Variants in RALYL observed in about 807,000 individuals in gnomAD.
RALYL encodes the protein RNA-binding Raly-like protein.
A neutral mutation model predicts 35.1 loss-of-function variants in RALYL; 29 were observed. That is an observed-to-expected ratio of 0.83 (90% CI 0.61 to 1.13). The LOEUF is 1.13. Among genes scored for constraint, RALYL ranks in the 50% most tolerant of loss-of-function variants. The pLI is 0.00. For synonymous variants in RALYL, 120 were observed against 127.6 expected (o/e 0.94, Z 0.40); for missense variants, 359 against 360.4 (o/e 1.00, Z 0.03).
At chr8:84,449,898 G>A (rs943196579) in intron 1 of RALYL, among the ~76,000 whole-genome samples, 1 of 151,618 alleles carries the variant, frequency 6.6e-6, no homozygotes, top group Admixed American at 6.6e-5. Context: ...CACATTTTTT[G>A]CAAATATTTA....
intron 2 of RALYL, among the ~76,000 whole-genome samples, chr8:84,722,220 G>A (rs1350492862): frequency 6.6e-6 from 1 of 151,868 alleles, no homozygotes; most frequent in Non-Finnish European, 1.5e-5. Context: ...TCTTTTCTGA[G>A]TATAATTGAG....
At chr8:84,690,836 C>G (rs1017596314) in intron 2 of RALYL, among the ~76,000 whole-genome samples, 2 of 151,904 alleles carry the variant, frequency 1.3e-5, no homozygotes, top group Non-Finnish European at 2.9e-5. Flanking sequence ...AATTCTAAAG[C>G]TGGATTATGA....
chr8:84,477,329 C>CTG (rs1396902450), intron 1 of RALYL, among the ~76,000 whole-genome samples: 1 of 150,910 alleles, frequency 6.6e-6, no homozygotes, highest in East Asian at 2.0e-4. Flanking sequence ...ATCATAAGCA[C>CTG]TGTGTGTGTG....
intron 7 of RALYL, among the ~76,000 whole-genome samples, chr8:84,878,642 A>C (rs1841640187): frequency 6.6e-6 from 1 of 152,116 alleles, no homozygotes; most frequent in Non-Finnish European, 1.5e-5. Flanking sequence ...AGAAATGAGA[A>C]GATACTGTAA....
At chr8:84,590,674 T>A (rs1018214947) in intron 2 of RALYL, among the ~76,000 whole-genome samples, 9 of 152,328 alleles carry the variant, frequency 5.9e-5, no homozygotes, top group African/African-American at 2.2e-4. Flanking sequence ...ACCAGAGCTA[T>A]CAAATAATGG....
At chr8:84,735,811 CGAGAGAGAGAGAGAGAGAGA>C (rs59842702) in intron 2 of RALYL, among the ~76,000 whole-genome samples, 1 of 111,310 alleles carries the variant, frequency 9.0e-6, no homozygotes, top group African/African-American at 3.1e-5. Flanking sequence ...ATCCAAACCG[CGAGAGAGAGAGAGAGAGAGA>C]GAGAGAGAGA....
chr8:84,865,966 C>T (rs1839103676), intron 6 of RALYL, among the ~76,000 whole-genome samples: 2 of 152,122 alleles, frequency 1.3e-5, no homozygotes, highest in Admixed American at 6.5e-5. Flanking sequence ...GGTTCCTCCC[C>T]TCAAAAGTAT....
intron 5 of RALYL, among the ~76,000 whole-genome samples, chr8:84,861,235 T>G (rs1364041916): frequency 6.6e-6 from 1 of 152,180 alleles, no homozygotes; most frequent in Non-Finnish European, 1.5e-5. Flanking sequence ...TTCTTTATAG[T>G]GAATAACGTA....
intron 1 of RALYL, among the ~76,000 whole-genome samples, chr8:84,336,196 A>G (rs28452674): frequency 1.5e-3 from 225 of 152,224 alleles, no homozygotes; most frequent in Non-Finnish European, 2.7e-3. Flanking sequence ...TTTCTGAGCA[A>G]CTGATTTTTT....
intron 1 of RALYL, among the ~76,000 whole-genome samples, chr8:84,264,489 G>A (rs964554110): frequency 2.1e-4 from 23 of 110,752 alleles, no homozygotes; most frequent in Non-Finnish European, 2.7e-4. Context: ...TGAGTTCCTT[G>A]TAGATTCTGG....
chr8:84,864,199 GTT>G (rs1278884938), intron 6 of RALYL, among the ~76,000 whole-genome samples: 2 of 119,900 alleles, frequency 1.7e-5, no homozygotes, highest in Admixed American at 8.9e-5. Flanking sequence ...TTGTGTGTGT[GTT>G]TGTGTGTGTG....
chr8:84,550,273 A>G (rs1021885379), intron 2 of RALYL, among the ~76,000 whole-genome samples: 5 of 151,750 alleles, frequency 3.3e-5, no homozygotes, highest in African/African-American at 1.2e-4. Flanking sequence ...CACTTTCAAC[A>G]TTATCTTCAC....
chr8:84,641,600 A>G (rs1451915399), intron 2 of RALYL, among the ~76,000 whole-genome samples: 1 of 151,856 alleles, frequency 6.6e-6, no homozygotes, highest in Non-Finnish European at 1.5e-5. Context: ...GATCTAGATT[A>G]CTTTTGAAAA....
chr8:84,469,125 G>A (rs2133624940), intron 1 of RALYL, among the ~76,000 whole-genome samples: 1 of 152,236 alleles, frequency 6.6e-6, no homozygotes, highest in African/African-American at 2.4e-5. Flanking sequence ...TTGATCGTCT[G>A]AAGCCTTCTT....
chr8:84,630,336 T>A (rs890196578), intron 2 of RALYL, among the ~76,000 whole-genome samples: 2 of 151,798 alleles, frequency 1.3e-5, no homozygotes, highest in African/African-American at 4.8e-5. Flanking sequence ...GAGGGTTGAG[T>A]CATAATTCAG....
At chr8:84,404,472 A>G (rs145159077) in intron 1 of RALYL, among the ~76,000 whole-genome samples, 4,301 of 152,146 alleles carry the variant, frequency 0.028, 197 homozygotes, top group African/African-American at 0.098. Flanking sequence ...GATGGATTAC[A>G]TTTATTGATT....
chr8:84,545,047 T>A (rs188650761), intron 2 of RALYL, among the ~76,000 whole-genome samples: 6 of 152,220 alleles, frequency 3.9e-5, no homozygotes, highest in African/African-American at 1.2e-4. Context: ...CTATAAAAAC[T>A]TGCCTTTTTT....
intron 5 of RALYL, among the ~76,000 whole-genome samples, chr8:84,851,663 G>A (rs1310868915): frequency 6.6e-6 from 1 of 152,144 alleles, no homozygotes; most frequent in Non-Finnish European, 1.5e-5. Context: ...CCAGCCTCTA[G>A]GGCCTTTTGT....
At position 84,682,518 on chromosome 8, in the gene RALYL, G is replaced by T. The variant is rs1254697676; in HGVS notation, c.257-92061G>T. Reference sequence around the variant, plus strand: ...TATTAATTATTGCCTCAATTTCAGAGCCTGTTATTGGTCTATTCAGAGATT... The same window carrying T: ...TATTAATTATTGCCTCAATTTCAGATCCTGTTATTGGTCTATTCAGAGATT... On this transcript the variant is annotated intron_variant, in intron 2 of 8. Coordinates refer to ENST00000521268, the MANE Select transcript of RALYL (RefSeq NM_173848.7). 7.2e-5 allele frequency among the ~76,000 whole-genome samples: 11 copies of T among 152,100 alleles called. No homozygotes were observed. In the East Asian group the frequency reaches 1.3e-3, roughly 19 times the overall value.
Sources: allele counts gnomAD v4.1 joint callset (sites outside exome capture counted in the v4.1 genomes callset), GRCh38; gene constraint gnomAD v4.1.1; transcripts MANE v1.5; gene names NCBI Gene and HGNC (gene_info 2026-07-23, HGNC 2026-07-21).